SOX5: variants seen among roughly 807,000 people sequenced by gnomAD.
SOX5 encodes the protein SRY-box transcription factor 5.
A neutral mutation model predicts 92.0 loss-of-function variants in SOX5; 9 were observed. The observed-to-expected ratio is 0.10, with a 90% CI of 0.06 to 0.17. The LOEUF is 0.17. Among genes scored for constraint, SOX5 ranks in the 10% least tolerant of loss-of-function variants. SOX5 has a pLI of 1.00. For missense variants in SOX5, 642 were observed against 944.5 expected (o/e 0.68, Z 4.20); for synonymous variants, 344 against 336.3 (o/e 1.02, Z -0.25).
At chr12:23,966,203 C>CGAAAAAAAAAAAAAAA (rs1947546017) in intron 4 of SOX5, among the ~76,000 whole-genome samples, 1 of 57,308 alleles carries the variant, frequency 1.7e-5, no homozygotes. Flanking sequence ...ACTCAATATC[C>CGAAAAAAAAAAAAAAA]AAAAAAAAAA....
At chr12:23,752,823 T>C (rs966060993) in intron 4 of SOX5, among the ~76,000 whole-genome samples, 1 of 151,910 alleles carries the variant, frequency 6.6e-6, no homozygotes, top group African/African-American at 2.4e-5. Context: ...ATAGCATATA[T>C]TGACTGTTGT....
At chr12:24,013,598 A>C (rs1445483142) in intron 4 of SOX5, among the ~76,000 whole-genome samples, 3 of 152,138 alleles carry the variant, frequency 2.0e-5, no homozygotes, top group Non-Finnish European at 4.4e-5. Flanking sequence ...ATACTTGGAG[A>C]AGACCCTTGC....
intron 4 of SOX5, among the ~76,000 whole-genome samples, chr12:24,077,203 T>A (rs1942731901): frequency 6.6e-6 from 1 of 152,168 alleles, no homozygotes; most frequent in African/African-American, 2.4e-5. Context: ...CCAATTTTTG[T>A]CATGCTACCA....
chr12:24,421,817 C>T (rs955039721), intron 1 of SOX5, among the ~76,000 whole-genome samples: 23 of 152,206 alleles, frequency 1.5e-4, no homozygotes, highest in African/African-American at 5.3e-4. Flanking sequence ...TATATCCTAT[C>T]GGAATGAGTT....
intron 4 of SOX5, chr12:24,212,527 G>A (rs775744396): frequency 5.7e-6 from 3 of 526,492 alleles, no homozygotes; most frequent in Non-Finnish European, 1.2e-5. Context: ...GGATTACAAG[G>A]AAGGAGGGGA....
intron 1 of SOX5, among the ~76,000 whole-genome samples, chr12:24,556,571 G>A (rs909501963): frequency 6.6e-6 from 1 of 152,196 alleles, no homozygotes; most frequent in African/African-American, 2.4e-5. Flanking sequence ...TAATGCAGAG[G>A]TGAATGACTA....
intron 3 of SOX5, among the ~76,000 whole-genome samples, chr12:23,785,252 A>G (rs886112492): frequency 3.9e-5 from 6 of 152,194 alleles, no homozygotes; most frequent in Non-Finnish European, 7.4e-5. Flanking sequence ...GCTTTTATTG[A>G]GAATTTAGAC....
intron 4 of SOX5, among the ~76,000 whole-genome samples, chr12:24,154,654 C>T (rs913538072): frequency 1.3e-5 from 2 of 151,990 alleles, no homozygotes; most frequent in Non-Finnish European, 2.9e-5. Context: ...CTTAGGCTTT[C>T]ATTTTAAGTG....
At chr12:24,340,833 T>A (rs1319882661) in intron 2 of SOX5, among the ~76,000 whole-genome samples, 2 of 152,172 alleles carry the variant, frequency 1.3e-5, no homozygotes, top group Non-Finnish European at 2.9e-5. Flanking sequence ...AAGGGAAGCC[T>A]AATTGTCTGA....
intron 2 of SOX5, among the ~76,000 whole-genome samples, chr12:24,328,919 C>A (rs189528008): frequency 9.2e-5 from 14 of 152,268 alleles, no homozygotes; most frequent in South Asian, 4.1e-4. Flanking sequence ...TAATATTTGG[C>A]TCTGTAGTAC....
In SOX5 at chr12:24,452,078, A is replaced by G. The variant is rs559044207; in HGVS notation, c.-250-83439T>C. Among the ~76,000 whole-genome samples, 199 of 152,244 alleles carry G rather than the reference A, an allele frequency of 1.3e-3. 1 individual carries two copies. Among genetic ancestry groups the G allele is most frequent in the African/African-American group, 4.4e-3 (182 of 41,552 alleles). ...TGGTCTTGAAGGCTTCAGACCTCAC[A>G]CCATCCCAATTGCTTATATAAGGCT... On this transcript the variant is annotated intron_variant, in intron 1 of 4. Coordinates refer to the SOX5 transcript ENST00000446891.
chr12:23,986,665 G>A (rs1191338391), intron 4 of SOX5, among the ~76,000 whole-genome samples: 1 of 152,156 alleles, frequency 6.6e-6, no homozygotes, highest in Non-Finnish European at 1.5e-5. Flanking sequence ...TCATGGACGT[G>A]AATGATTTTG....
intron 3 of SOX5, among the ~76,000 whole-genome samples, chr12:23,758,008 CAAAAAAAAAAAAAAA>C (rs34841595): frequency 1.0e-4 from 7 of 68,222 alleles, no homozygotes; most frequent in African/African-American, 3.5e-4. Context: ...GCACACACTA[CAAAAAAAAAAAAAAA>C]AAAAAAAAAA....
At chr12:24,064,280 G>A (rs1443115537) in intron 4 of SOX5, among the ~76,000 whole-genome samples, 1 of 152,088 alleles carries the variant, frequency 6.6e-6, no homozygotes, top group Non-Finnish European at 1.5e-5. Flanking sequence ...TTAAAATGCA[G>A]GCTCTCAAAA....
intron 13 of SOX5, among the ~76,000 whole-genome samples, chr12:23,540,262 C>A (rs888160616): frequency 6.6e-6 from 1 of 151,332 alleles, no homozygotes; most frequent in Non-Finnish European, 1.5e-5. Flanking sequence ...ATATACCTAA[C>A]GCTAAATGAC....
chr12:24,485,053 G>A (rs978970754), intron 1 of SOX5, among the ~76,000 whole-genome samples: 3 of 152,128 alleles, frequency 2.0e-5, no homozygotes, highest in Non-Finnish European at 4.4e-5. Context: ...GATGGAGAAA[G>A]GAATAAGAGT....
At chr12:23,637,334 A>C (rs1414902818) in intron 8 of SOX5, among the ~76,000 whole-genome samples, 1 of 152,204 alleles carries the variant, frequency 6.6e-6, no homozygotes, top group African/African-American at 2.4e-5. Flanking sequence ...GATTAAACAA[A>C]AACAGAAAAC....
At chr12:23,763,981 A>G (rs2094636279) in intron 3 of SOX5, among the ~76,000 whole-genome samples, 1 of 152,108 alleles carries the variant, frequency 6.6e-6, no homozygotes, top group Non-Finnish European at 1.5e-5. Context: ...AATATTGTCC[A>G]TTTGGATTCA....
At chr12:23,632,250 C>G (rs911223365) in intron 8 of SOX5, 1 of 152,132 alleles carries the variant, frequency 6.6e-6, no homozygotes, top group Non-Finnish European at 1.5e-5. Flanking sequence ...TTTTAACCTG[C>G]AAGAAAACTC....
Sources: allele counts gnomAD v4.1 joint callset (sites outside exome capture counted in the v4.1 genomes callset), GRCh38; gene constraint gnomAD v4.1.1; transcripts MANE v1.5; gene names NCBI Gene and HGNC (gene_info 2026-07-23, HGNC 2026-07-21).